ROBO1: variants seen among roughly 807,000 people sequenced by gnomAD.
ROBO1 encodes the protein roundabout guidance receptor 1.
In ROBO1, 149 loss-of-function variants were observed where a neutral mutation model predicts 195.9. The ratio of observed to expected loss-of-function variants is 0.76; its 90% CI spans 0.67 to 0.87. The LOEUF (loss-of-function observed/expected upper bound fraction) is 0.87. Ranked by LOEUF, ROBO1 falls within the 40% of genes least tolerant of loss-of-function variation. The pLI is 0.00. For synonymous variants in ROBO1, 816 were observed against 733.2 expected, an observed-to-expected ratio of 1.11 and a Z score of -1.82; for missense variants, 1,933 against 2,068.3, an observed-to-expected ratio of 0.93 and a Z score of 1.27.
chr3:79,105,356 G>T (rs895849342), intron 3 of ROBO1, among the ~76,000 whole-genome samples: 1 of 151,590 alleles, frequency 6.6e-6, no homozygotes, highest in East Asian at 1.9e-4. Context: ...TGCATTCAAA[G>T]GGAAACTGCA....
chr3:79,084,957 A>G (rs1190754130), intron 3 of ROBO1, among the ~76,000 whole-genome samples: 1 of 152,156 alleles, frequency 6.6e-6, no homozygotes, highest in South Asian at 2.1e-4. Context: ...TAATTTAAAC[A>G]ATATAAAACT....
At chr3:79,017,286 G>A (rs1419410949) in intron 3 of ROBO1, among the ~76,000 whole-genome samples, 2 of 151,932 alleles carry the variant, frequency 1.3e-5, no homozygotes, top group Non-Finnish European at 2.9e-5. Context: ...ACTGTCTTAA[G>A]TAAAATCCCT....
chr3:78,858,438 G>A (rs530450673), intron 4 of ROBO1, among the ~76,000 whole-genome samples: 448 of 151,922 alleles, frequency 2.9e-3, no homozygotes, highest in South Asian at 8.6e-3. Flanking sequence ...CTTAGAAAGT[G>A]GAAAACTGGG....
At chr3:79,110,715 T>C (rs1251488064) in intron 3 of ROBO1, among the ~76,000 whole-genome samples, 1 of 150,840 alleles carries the variant, frequency 6.6e-6, no homozygotes, top group Non-Finnish European at 1.5e-5. Flanking sequence ...CTTGAACTCC[T>C]GGACTCAAGC....
chr3:79,182,095 C>T lies in ROBO1; in HGVS notation c.89-56556G>A, dbSNP rs77854200. Among the ~76,000 whole-genome samples the T allele has an allele frequency of 3.8e-4, 58 of 151,984 alleles. No individual in the cohort carries two copies. In the East Asian group the frequency reaches 0.01, roughly 27 times the overall value. On this transcript the variant is annotated intron_variant, in intron 2 of 30. Transcript: ENST00000464233. Reference sequence around the variant, plus strand: ...AATTTTTTGTTTGTATTTATCTTTGCTTTTTCCTTCTTCCATGTGGACTTA... The same window carrying T: ...AATTTTTTGTTTGTATTTATCTTTGTTTTTTCCTTCTTCCATGTGGACTTA...
intron 2 of ROBO1, among the ~76,000 whole-genome samples, chr3:79,481,006 A>C (rs1363624953): frequency 6.6e-6 from 1 of 152,084 alleles, no homozygotes; most frequent in Non-Finnish European, 1.5e-5. Context: ...ACAGTAACTA[A>C]TTTTACTTGC....
chr3:78,859,763 TAA>T (rs2034672920), intron 4 of ROBO1, among the ~76,000 whole-genome samples: 2 of 151,982 alleles, frequency 1.3e-5, no homozygotes, highest in Admixed American at 1.3e-4. Context: ...CATTGGGAAA[TAA>T]AGTCAGCTTA....
At chr3:78,918,802 C>A (rs1341951431) in intron 4 of ROBO1, among the ~76,000 whole-genome samples, 1 of 152,006 alleles carries the variant, frequency 6.6e-6, no homozygotes, top group Non-Finnish European at 1.5e-5. Flanking sequence ...ATGTAGAACA[C>A]AATACTCACA....
intron 2 of ROBO1, among the ~76,000 whole-genome samples, chr3:79,321,206 T>C (rs1360181256): frequency 1.3e-5 from 2 of 152,148 alleles, no homozygotes; most frequent in Non-Finnish European, 2.9e-5. Context: ...TGAGTTCAGA[T>C]GTGTCAAAAA....
At chr3:79,155,321 G>A (rs764705465) in intron 2 of ROBO1, among the ~76,000 whole-genome samples, 2 of 151,672 alleles carry the variant, frequency 1.3e-5, no homozygotes, top group Non-Finnish European at 2.9e-5. Flanking sequence ...TATTTGGGAA[G>A]TAAAGTAATT....
chr3:78,750,137 C>T (rs982016700), intron 4 of ROBO1, among the ~76,000 whole-genome samples: 1 of 151,680 alleles, frequency 6.6e-6, no homozygotes, highest in African/African-American at 2.4e-5. Flanking sequence ...TATTTGAATC[C>T]TAGAAGGTTT....
chr3:79,611,227 T>A (rs1349639874), intron 1 of ROBO1, among the ~76,000 whole-genome samples: 1 of 152,036 alleles, frequency 6.6e-6, no homozygotes, highest in Non-Finnish European at 1.5e-5. Flanking sequence ...TTCTTCAGTA[T>A]GACCATAAAG....
chr3:78,782,421 T>A (rs1188719459), intron 4 of ROBO1, among the ~76,000 whole-genome samples: 1 of 152,120 alleles, frequency 6.6e-6, no homozygotes, highest in East Asian at 1.9e-4. Flanking sequence ...GGTCTTGAAC[T>A]CCTGGCCTCA....
chr3:79,740,961 T>A (rs1297902659), intron 1 of ROBO1, among the ~76,000 whole-genome samples: 1 of 152,254 alleles, frequency 6.6e-6, no homozygotes, highest in African/African-American at 2.4e-5. Context: ...AAATACTATT[T>A]TCTCTACATC....
At chr3:78,896,364 C>G (rs374207647) in intron 4 of ROBO1, among the ~76,000 whole-genome samples, 1 of 152,058 alleles carries the variant, frequency 6.6e-6, no homozygotes, top group Non-Finnish European at 1.5e-5. Context: ...CCACAAAAGA[C>G]GTGAAAATAG....
chr3:79,554,587 A>G (rs1942633976), intron 2 of ROBO1, among the ~76,000 whole-genome samples: 2 of 152,100 alleles, frequency 1.3e-5, no homozygotes, highest in Admixed American at 6.6e-5. Context: ...ATATGTATCC[A>G]AAACTTGGAA....
At chr3:79,581,005 G>A (rs1056833464) in intron 2 of ROBO1, among the ~76,000 whole-genome samples, 30 of 152,132 alleles carry the variant, frequency 2.0e-4, no homozygotes, top group African/African-American at 5.6e-4. Flanking sequence ...ATACATGCAC[G>A]TGGCAAGAGG....
rs1941542958 is a variant in ROBO1 at position 79,528,976 on chromosome 3, A to G, written c.88+60848T>C. Among the ~76,000 whole-genome samples, 3 of 152,228 alleles carry G rather than the reference A, an allele frequency of 2.0e-5. No homozygotes were observed. The South Asian group carries it at 6.2e-4, about 31-fold the overall frequency. Reference sequence around the variant, plus strand: ...TAATGCCTCTATTCTGCATAATTAAATGCATAAAATTATTTTTACAGCATG... The same window carrying G: ...TAATGCCTCTATTCTGCATAATTAAGTGCATAAAATTATTTTTACAGCATG... On this transcript the variant is annotated intron_variant, in intron 2 of 30. Transcript: ENST00000464233.
chr3:79,547,207 A>C (rs1008867796), intron 2 of ROBO1, among the ~76,000 whole-genome samples: 2 of 150,430 alleles, frequency 1.3e-5, no homozygotes, highest in Admixed American at 1.3e-4. Context: ...AAAAAAAAAA[A>C]AAAAAAGACT....
Sources: gnomAD v4.1 joint callset for allele counts (sites outside exome capture counted in the v4.1 genomes callset) on GRCh38, gnomAD v4.1.1 for gene constraint, MANE v1.5 for transcripts, NCBI Gene and HGNC (gene_info 2026-07-23, HGNC 2026-07-21) for gene names.